Variants in NELL1 observed in about 807,000 individuals in gnomAD.
NELL1 encodes the protein neural EGFL like 1, also known as protein kinase C-binding protein NELL1.
A neutral mutation model predicts 107.4 loss-of-function variants in NELL1; 76 were observed. That is an observed-to-expected ratio of 0.71 (90% CI 0.59 to 0.86). The LOEUF is 0.86. Among genes scored for constraint, NELL1 ranks in the 40% least tolerant of loss-of-function variants. The pLI is 0.00. For missense variants in NELL1, 1,024 were observed against 1,005.5 expected (o/e 1.02, Z -0.25); for synonymous variants, 353 against 341.2 (o/e 1.03, Z -0.38).
Position 20,723,621 on chromosome 11 carries a change from G to T in NELL1, c.184+45561G>T, listed in dbSNP as rs183695574. On this transcript the variant is annotated intron_variant, in intron 2 of 19. Coordinates refer to ENST00000357134, the MANE Select transcript of NELL1 (RefSeq NM_006157.5). ...CATAGGTTGGTGTTGAGTGCCTGTGGCTTTTCCAAGCACACAGTGGTAACC... is the reference window on the plus strand; with the variant it reads ...CATAGGTTGGTGTTGAGTGCCTGTGTCTTTTCCAAGCACACAGTGGTAACC... 2.0e-4 allele frequency among the ~76,000 whole-genome samples: 31 copies of T among 152,250 alleles called. 1 individual carries two copies. The East Asian group carries it at 2.1e-3, about 10-fold the overall frequency.
At chr11:21,139,389 C>T (rs979092071) in intron 13 of NELL1, among the ~76,000 whole-genome samples, 4 of 152,274 alleles carry the variant, frequency 2.6e-5, no homozygotes, top group Admixed American at 2.6e-4. Flanking sequence ...TTCCTTCAGG[C>T]CTCTGGCAAA....
chr11:21,373,269 C>A (rs965704816), intron 15 of NELL1, among the ~76,000 whole-genome samples: 7 of 152,016 alleles, frequency 4.6e-5, no homozygotes, highest in Non-Finnish European at 7.4e-5. Flanking sequence ...CACTGAAAAT[C>A]TGTGCCATTA....
intron 3 of NELL1, among the ~76,000 whole-genome samples, chr11:20,786,408 T>C (rs1856959730): frequency 6.6e-6 from 1 of 150,888 alleles, no homozygotes; most frequent in South Asian, 2.1e-4. Context: ...AGGGGTTGAA[T>C]GCCTTTAGCC....
chr11:21,564,570 A>C (rs1233522337), intron 17 of NELL1, among the ~76,000 whole-genome samples: 1 of 151,914 alleles, frequency 6.6e-6, no homozygotes, highest in East Asian at 2.0e-4. Flanking sequence ...AGTGGGAGGA[A>C]GAGAGCGAAC....
chr11:21,131,542 C>T (rs529573166), intron 13 of NELL1, among the ~76,000 whole-genome samples: 13 of 152,288 alleles, frequency 8.5e-5, no homozygotes, highest in South Asian at 6.2e-4. Context: ...TAAGTGCTGA[C>T]GTCTTTGAAG....
intron 15 of NELL1, among the ~76,000 whole-genome samples, chr11:21,481,549 C>G (rs1854492780): frequency 6.6e-6 from 1 of 152,152 alleles, no homozygotes; most frequent in East Asian, 1.9e-4. Flanking sequence ...TTCCTAAGAG[C>G]ACAAGTAAAT....
chr11:20,699,142 A>G (rs1314800991), intron 2 of NELL1, among the ~76,000 whole-genome samples: 2 of 151,430 alleles, frequency 1.3e-5, no homozygotes, highest in East Asian at 2.0e-4. Context: ...GCTTGAACCC[A>G]GGAGGCGGAG....
At chr11:21,147,283 T>G (rs1474865852) in intron 13 of NELL1, among the ~76,000 whole-genome samples, 1 of 152,154 alleles carries the variant, frequency 6.6e-6, no homozygotes, top group African/African-American at 2.4e-5. Flanking sequence ...CTCAGAGCCT[T>G]TGCTAGCTAA....
intron 6 of NELL1, among the ~76,000 whole-genome samples, chr11:20,918,795 C>T (rs1015582074): frequency 2.0e-5 from 3 of 152,064 alleles, no homozygotes; most frequent in Admixed American, 6.6e-5. Context: ...GGGATGCAGC[C>T]AACCCATATC....
At chr11:20,991,002 C>G (rs1851959960) in intron 12 of NELL1, among the ~76,000 whole-genome samples, 1 of 152,136 alleles carries the variant, frequency 6.6e-6, no homozygotes, top group African/African-American at 2.4e-5. Context: ...TGACCCAGTC[C>G]TGATCTTGAA....
At chr11:21,095,035 T>C (rs779398541) in intron 12 of NELL1, among the ~76,000 whole-genome samples, 8 of 152,226 alleles carry the variant, frequency 5.3e-5, no homozygotes, top group Non-Finnish European at 1.2e-4. Flanking sequence ...GCTTCCCTTA[T>C]AAAACTCAAT....
intron 14 of NELL1, among the ~76,000 whole-genome samples, chr11:21,312,491 A>G (rs964557059): frequency 2.0e-5 from 3 of 152,194 alleles, no homozygotes; most frequent in Non-Finnish European, 4.4e-5. Context: ...AGCAACTGCC[A>G]TCAATCACAC....
rs1431967365 is a variant in NELL1 at position 21,012,771 on chromosome 11, G to T, written c.1300+52211G>T. 2.0e-5 allele frequency among the ~76,000 whole-genome samples: 3 copies of T among 152,170 alleles called. No homozygotes were observed. In the South Asian group the frequency reaches 6.2e-4, roughly 32 times the overall value. On this transcript the variant is annotated intron_variant, in intron 12 of 19. Coordinates refer to ENST00000357134, the MANE Select transcript of NELL1 (RefSeq NM_006157.5). ...GTCCTCTTGTACAGAGTCAGTTCCT[G>T]GGTAGGGGCCACAAGATCAGATGAG...
intron 13 of NELL1, among the ~76,000 whole-genome samples, chr11:21,121,177 G>C (rs1855359128): frequency 6.6e-6 from 1 of 152,148 alleles, no homozygotes; most frequent in South Asian, 2.1e-4. Context: ...GAACAGAGAG[G>C]GTTGGAGTAT....
chr11:20,989,042 T>C (rs1851914787), intron 12 of NELL1, among the ~76,000 whole-genome samples: 1 of 152,140 alleles, frequency 6.6e-6, no homozygotes, highest in Non-Finnish European at 1.5e-5. Context: ...TCTGTAACAA[T>C]AGTGTCCCTT....
chr11:20,939,942 T>G (rs74616228), intron 10 of NELL1, among the ~76,000 whole-genome samples: 5,832 of 152,244 alleles, frequency 0.038, 278 homozygotes, highest in East Asian at 0.14. Context: ...ATTTTATGAT[T>G]ATTTCTCATG....
At chr11:21,534,555 T>G (rs368173976) in intron 16 of NELL1, 41 bp downstream of exon 16, 4 of 1,607,718 alleles carry the variant, frequency 2.5e-6, no homozygotes, top group Non-Finnish European at 3.4e-6. Context: ...GCTTGGACCT[T>G]TGCAGGAGGT....
intron 15 of NELL1, among the ~76,000 whole-genome samples, chr11:21,500,856 A>C (rs1855121548): frequency 6.6e-6 from 1 of 152,178 alleles, no homozygotes; most frequent in Non-Finnish European, 1.5e-5. Flanking sequence ...AAGGAAACTG[A>C]TGTCCAACAT....
intron 12 of NELL1, among the ~76,000 whole-genome samples, chr11:21,011,838 G>T (rs909139456): frequency 7.9e-5 from 12 of 152,118 alleles, no homozygotes; most frequent in Admixed American, 4.6e-4. Context: ...CCACCACTTA[G>T]TGCATAATGA....
Sources: allele counts gnomAD v4.1 joint callset (sites outside exome capture counted in the v4.1 genomes callset), GRCh38; gene constraint gnomAD v4.1.1; transcripts MANE v1.5; gene names NCBI Gene and HGNC (gene_info 2026-07-23, HGNC 2026-07-21).